EPHA6: variants seen among roughly 807,000 people sequenced by gnomAD.
The protein encoded by EPHA6 is ephrin type-A receptor 6.
Under a neutral mutation model 112.0 loss-of-function variants are expected in EPHA6, and 50 were observed. That is an observed-to-expected ratio of 0.45 (90% CI 0.36 to 0.56). The LOEUF (loss-of-function observed/expected upper bound fraction) is 0.56, where lower values mean the gene tolerates loss of function less well. EPHA6 is among the 20% of genes least tolerant of loss of function. The pLI is 0.00. For synonymous variants in EPHA6, 529 were observed against 490.7 expected (o/e 1.08, Z -1.03); for missense variants, 1,280 against 1,417.4 (o/e 0.90, Z 1.56).
At chr3:97,037,418 C>G (rs1011925409) in intron 3 of EPHA6, among the ~76,000 whole-genome samples, 1 of 151,916 alleles carries the variant, frequency 6.6e-6, no homozygotes, top group Admixed American at 6.6e-5. Flanking sequence ...TAATAAAGTA[C>G]AACAGCAGAG....
In EPHA6 at chr3:97,756,396, G is replaced by C. The variant is rs2036027013; in HGVS notation, c.*7695G>C. 6.6e-6 allele frequency among the ~76,000 whole-genome samples: 1 copy of C among 151,836 alleles called. No individual in the cohort carries two copies. Among genetic ancestry groups the C allele is most frequent in the Admixed American group, 6.5e-5 (1 of 15,268 alleles). ...TAAATATCCATTGGTATATTATCAAGAGCTATTACTGCAATAACCTCAAAG... is the reference window on the plus strand; with the variant it reads ...TAAATATCCATTGGTATATTATCAACAGCTATTACTGCAATAACCTCAAAG... On this transcript the variant is annotated 3_prime_UTR_variant, in exon 18 of 18. Transcript: ENST00000389672.
intron 1 of EPHA6, among the ~76,000 whole-genome samples, chr3:96,824,521 G>A (rs2033513766): frequency 6.6e-6 from 1 of 151,636 alleles, no homozygotes; most frequent in Non-Finnish European, 1.5e-5. Context: ...TCTGCAATAA[G>A]CAAATATTCA....
intron 14 of EPHA6, among the ~76,000 whole-genome samples, chr3:97,709,143 C>A (rs2033833879): frequency 7.5e-6 from 1 of 132,920 alleles, no homozygotes; most frequent in South Asian, 2.6e-4. Context: ...ATACACCTGG[C>A]CCCATGCAAG....
chr3:97,182,148 T>G (rs903900496), intron 3 of EPHA6, among the ~76,000 whole-genome samples: 1 of 152,160 alleles, frequency 6.6e-6, no homozygotes. Context: ...AAGTATGCAC[T>G]ACATTTATTT....
chr3:97,133,719 A>G (rs1489622242), intron 3 of EPHA6, among the ~76,000 whole-genome samples: 2 of 152,016 alleles, frequency 1.3e-5, no homozygotes, highest in African/African-American at 2.4e-5. Context: ...TGTAACTTGT[A>G]TTAAAATATT....
chr3:97,493,178 G>A (rs1489945959), intron 10 of EPHA6, among the ~76,000 whole-genome samples: 1 of 151,810 alleles, frequency 6.6e-6, no homozygotes, highest in Non-Finnish European at 1.5e-5. Context: ...GTATACATAC[G>A]TACATGTAAA....
intron 5 of EPHA6, among the ~76,000 whole-genome samples, chr3:97,295,490 A>T (rs2080842964): frequency 6.7e-6 from 1 of 148,156 alleles, no homozygotes; most frequent in Non-Finnish European, 1.5e-5. Context: ...ATTCTGATTT[A>T]TTTGTATTGT....
At chr3:97,611,496 G>T (rs1232084919) in intron 13 of EPHA6, among the ~76,000 whole-genome samples, 1 of 151,860 alleles carries the variant, frequency 6.6e-6, no homozygotes, top group African/African-American at 2.4e-5. Flanking sequence ...CAGGAAGTTA[G>T]ATTTCAAGGT....
chr3:96,842,064 C>T (rs1056994378), intron 1 of EPHA6, among the ~76,000 whole-genome samples: 3 of 152,072 alleles, frequency 2.0e-5, no homozygotes, highest in Non-Finnish European at 4.4e-5. Flanking sequence ...AATACCTACC[C>T]TTCTTCAGAT....
At chr3:97,702,645 G>A (rs983578473) in intron 14 of EPHA6, among the ~76,000 whole-genome samples, 1 of 152,056 alleles carries the variant, frequency 6.6e-6, no homozygotes, top group Admixed American at 6.6e-5. Context: ...TAACAGTACT[G>A]CAATTCAATC....
intron 3 of EPHA6, among the ~76,000 whole-genome samples, chr3:97,082,273 A>T (rs954894125): frequency 1.3e-5 from 2 of 151,898 alleles, no homozygotes; most frequent in African/African-American, 4.8e-5. Context: ...TGTTGGAAAA[A>T]TATAAAACTA....
At chr3:96,831,575 TTTATTA>T (rs1230496422) in intron 1 of EPHA6, among the ~76,000 whole-genome samples, 2 of 151,814 alleles carry the variant, frequency 1.3e-5, no homozygotes, top group African/African-American at 4.8e-5. Context: ...ATTCCTGTAT[TTTATTA>T]TTATTATTAT....
At chr3:97,597,893 G>A (rs954512935) in intron 12 of EPHA6, among the ~76,000 whole-genome samples, 2 of 152,144 alleles carry the variant, frequency 1.3e-5, no homozygotes, top group African/African-American at 4.8e-5. Flanking sequence ...AAGTTTTGAT[G>A]CATATAGAGG....
intron 3 of EPHA6, among the ~76,000 whole-genome samples, chr3:97,010,776 A>T (rs2044057892): frequency 6.6e-6 from 1 of 152,202 alleles, no homozygotes; most frequent in South Asian, 2.1e-4. Context: ...CTTGTGCCTC[A>T]GCCTCCAAGT....
chr3:97,075,136 A>G (rs528373405), intron 3 of EPHA6, among the ~76,000 whole-genome samples: 15 of 152,130 alleles, frequency 9.9e-5, no homozygotes, highest in African/African-American at 3.6e-4. Flanking sequence ...AAAGGGAATG[A>G]AAGAAATTCT....
At position 97,556,132 on chromosome 3, in the gene EPHA6, C is replaced by T. The variant is rs1038795081; in HGVS notation, c.2386+23589C>T. ...ATTATCCAACCTTAAACCTACTTAGCCTGCTTACACCCTGCTTCACCCATT... is the reference window on the plus strand; with the variant it reads ...ATTATCCAACCTTAAACCTACTTAGTCTGCTTACACCCTGCTTCACCCATT... On this transcript the variant is annotated intron_variant, in intron 11 of 17. Transcript: ENST00000389672. 7.9e-5 allele frequency among the ~76,000 whole-genome samples: 12 copies of T among 152,108 alleles called. 1 individual carries two copies. Among genetic ancestry groups the T allele is most frequent in the African/African-American group, 2.9e-4 (12 of 41,520 alleles).
intron 3 of EPHA6, among the ~76,000 whole-genome samples, chr3:97,214,750 G>T (rs1359199016): frequency 1.3e-5 from 2 of 152,056 alleles, no homozygotes; most frequent in Non-Finnish European, 2.9e-5. Context: ...ATTATTTATA[G>T]ACTTGGATTT....
intron 5 of EPHA6, among the ~76,000 whole-genome samples, chr3:97,355,185 G>T (rs1003127701): frequency 7.2e-5 from 11 of 152,120 alleles, no homozygotes; most frequent in Non-Finnish European, 1.3e-4. Flanking sequence ...ACAAGACTCA[G>T]CGGTAATAGT....
intron 11 of EPHA6, among the ~76,000 whole-genome samples, chr3:97,579,302 C>T (rs1047772924): frequency 6.6e-6 from 1 of 151,422 alleles, no homozygotes; most frequent in South Asian, 2.1e-4. Flanking sequence ...TTTTTATATT[C>T]CCAGCCTTAT....
Sources: gnomAD v4.1 joint callset for allele counts (sites outside exome capture counted in the v4.1 genomes callset) on GRCh38, gnomAD v4.1.1 for gene constraint, MANE v1.5 for transcripts, NCBI Gene and HGNC (gene_info 2026-07-23, HGNC 2026-07-21) for gene names.